Variants in DGKI observed in about 807,000 individuals in gnomAD.
DGKI encodes the protein diacylglycerol kinase iota, also known as DAG kinase iota.
DGKI carries 55 observed loss-of-function variants against 147.5 expected under a neutral mutation model. The observed-to-expected ratio is 0.37, with a 90% CI of 0.30 to 0.47. DGKI has a LOEUF of 0.47. Ranked by LOEUF, DGKI falls within the 20% of genes least tolerant of loss-of-function variation. DGKI has a pLI of 1.00. For synonymous variants in DGKI, 469 were observed against 477.1 expected (o/e 0.98, Z 0.22); for missense variants, 1,007 against 1,323.8 (o/e 0.76, Z 3.71).
intron 28 of DGKI, among the ~76,000 whole-genome samples, chr7:137,442,037 T>C (rs962440120): frequency 3.3e-5 from 5 of 151,946 alleles, no homozygotes; most frequent in African/African-American, 1.2e-4. Context: ...TTCAAGAATA[T>C]ATGGGCTAGA....
intron 28 of DGKI, among the ~76,000 whole-genome samples, chr7:137,414,571 T>C (rs544045879): frequency 1.3e-5 from 2 of 150,502 alleles, no homozygotes; most frequent in Admixed American, 6.6e-5. Flanking sequence ...AAACACAGGG[T>C]CTCACTCTTC....
chr7:137,669,386 G>A (rs1822762005), intron 3 of DGKI, among the ~76,000 whole-genome samples: 1 of 152,310 alleles, frequency 6.6e-6, no homozygotes, highest in Non-Finnish European at 1.5e-5. Context: ...CTAAGCAACA[G>A]GAATACTGGT....
At position 137,594,036 on chromosome 7, in the gene DGKI, C is replaced by G. The variant is rs1018983428; in HGVS notation, c.1311+3811G>C. Among the ~76,000 whole-genome samples, 6 of 152,188 alleles carry G rather than the reference C, an allele frequency of 3.9e-5. No homozygotes were observed. The South Asian group carries it at 1.2e-3, about 32-fold the overall frequency. On this transcript the variant is annotated intron_variant, in intron 12 of 32. Transcript: ENST00000614521. ...AAGTGCATTATTGGGGAATGTTTCC[C>G]TCTGCTTTCTCATATTTTTTTCTTT...
At chr7:137,792,953 C>G (rs772204145) in intron 1 of DGKI, among the ~76,000 whole-genome samples, 39 of 152,212 alleles carry the variant, frequency 2.6e-4, no homozygotes, top group Non-Finnish European at 1.6e-4. Flanking sequence ...GGTATTCCTA[C>G]AGCAATGTAA....
chr7:137,839,907 C>A (rs935243079), intron 1 of DGKI, among the ~76,000 whole-genome samples: 1 of 152,152 alleles, frequency 6.6e-6, no homozygotes, highest in African/African-American at 2.4e-5. Flanking sequence ...AAAGCTGTTG[C>A]CCTTAAAAGA....
At chr7:137,774,975 C>T (rs148517461) in intron 1 of DGKI, 6 of 152,246 alleles carry the variant, frequency 3.9e-5, no homozygotes, top group African/African-American at 1.4e-4. Context: ...TATCTATAAG[C>T]TGTTCTCAAG....
At chr7:137,706,025 A>G (rs1481016886) in intron 1 of DGKI, among the ~76,000 whole-genome samples, 1 of 152,184 alleles carries the variant, frequency 6.6e-6, no homozygotes, top group Non-Finnish European at 1.5e-5. Flanking sequence ...ATGCTAGTCT[A>G]TTAAAACTCA....
intron 1 of DGKI, among the ~76,000 whole-genome samples, chr7:137,744,886 A>G (rs1217897411): frequency 6.6e-6 from 1 of 152,162 alleles, no homozygotes; most frequent in Non-Finnish European, 1.5e-5. Context: ...ATCAAGAAAA[A>G]TATCTGAAAA....
chr7:137,471,497 T>C (rs775248698), intron 23 of DGKI, among the ~76,000 whole-genome samples: 4 of 152,174 alleles, frequency 2.6e-5, no homozygotes, highest in African/African-American at 4.8e-5. Flanking sequence ...TGGGATTAAA[T>C]CACTTGTTCT....
rs564857326 is a variant in DGKI at position 137,594,903 on chromosome 7, G to C, written c.1311+2944C>G. On this transcript the variant is annotated intron_variant, in intron 12 of 32. Coordinates refer to ENST00000614521, the MANE Select transcript of DGKI (RefSeq NM_001321708.2). ...TAAGGTACAAGATAAGCAAAGTTTT[G>C]ATTCTAAGTATTTTAACTACAGATG... Among the ~76,000 whole-genome samples, 7 of 152,264 alleles carry C rather than the reference G, an allele frequency of 4.6e-5. No homozygotes were observed. In the South Asian group the frequency reaches 1.5e-3, roughly 32 times the overall value.
chr7:137,484,599 C>G (rs981844452), intron 23 of DGKI, among the ~76,000 whole-genome samples: 10 of 151,944 alleles, frequency 6.6e-5, no homozygotes, highest in Non-Finnish European at 1.3e-4. Context: ...ATACTGTGTA[C>G]TAGGATCTAC....
intron 1 of DGKI, among the ~76,000 whole-genome samples, chr7:137,845,842 G>T (rs1464642699): frequency 6.6e-6 from 1 of 152,104 alleles, no homozygotes; most frequent in Non-Finnish European, 1.5e-5. Context: ...GAGCACGCAG[G>T]CATGGAGCCC....
intron 23 of DGKI, 47 bp from the exon 24 acceptor site, chr7:137,469,666 A>G (rs1217233056): frequency 1.9e-6 from 3 of 1,562,780 alleles, no homozygotes; most frequent in Non-Finnish European, 2.6e-6. Flanking sequence ...CAATAACCTG[A>G]TGGGCTTCCC....
At chr7:137,490,219 C>T (rs1360607300) in intron 21 of DGKI, among the ~76,000 whole-genome samples, 2 of 152,170 alleles carry the variant, frequency 1.3e-5, no homozygotes, top group African/African-American at 4.8e-5. Flanking sequence ...TTGCAGTCAT[C>T]CACTGCTGGG....
chr7:137,455,133 G>A (rs990383906), intron 27 of DGKI, among the ~76,000 whole-genome samples: 2 of 152,076 alleles, frequency 1.3e-5, no homozygotes, highest in East Asian at 1.9e-4. Context: ...AAAACTAGGC[G>A]GGGTTGGAAG....
intron 20 of DGKI, among the ~76,000 whole-genome samples, chr7:137,547,839 C>T (rs1817915428): frequency 1.3e-5 from 2 of 152,280 alleles, no homozygotes; most frequent in South Asian, 4.1e-4. Flanking sequence ...ACAGAAAAGG[C>T]TTATTAGGAA....
At chr7:137,707,213 G>GT (rs915723925) in intron 1 of DGKI, among the ~76,000 whole-genome samples, 3 of 152,152 alleles carry the variant, frequency 2.0e-5, no homozygotes, top group Non-Finnish European at 4.4e-5. Context: ...TCTGCTTATC[G>GT]TAAGTACCTC....
intron 1 of DGKI, among the ~76,000 whole-genome samples, chr7:137,763,154 G>A (rs1795911384): frequency 6.6e-6 from 1 of 152,218 alleles, no homozygotes; most frequent in Admixed American, 6.5e-5. Context: ...GGACTGCAAA[G>A]GACTGGACAC....
At chr7:137,430,755 T>C (rs1002335056) in intron 28 of DGKI, among the ~76,000 whole-genome samples, 2 of 151,954 alleles carry the variant, frequency 1.3e-5, no homozygotes, top group African/African-American at 2.4e-5. Context: ...CAGATTTCTA[T>C]AGAGAACAGT....
Sources: allele counts gnomAD v4.1 joint callset (sites outside exome capture counted in the v4.1 genomes callset), GRCh38; gene constraint gnomAD v4.1.1; transcripts MANE v1.5; gene names NCBI Gene and HGNC (gene_info 2026-07-23, HGNC 2026-07-21).